Variants in RAD51B observed in about 807,000 individuals in gnomAD.
The protein encoded by RAD51B is RAD51 paralog B, also known as DNA repair protein RAD51 homolog 2.
RAD51B carries 38 observed loss-of-function variants against 42.2 expected under a neutral mutation model. That is an observed-to-expected ratio of 0.90 (90% CI 0.70 to 1.18). The LOEUF (loss-of-function observed/expected upper bound fraction) is 1.18, where lower values mean the gene tolerates loss of function less well. RAD51B is among the 50% of genes most tolerant of loss of function. The pLI, the probability that RAD51B is intolerant of heterozygous loss-of-function variation, is 0.00. For missense variants in RAD51B, 373 were observed against 400.7 expected, an observed-to-expected ratio of 0.93 and a Z score of 0.59; for synonymous variants, 154 against 145.2, an observed-to-expected ratio of 1.06 and a Z score of -0.43.
intron 8 of RAD51B, among the ~76,000 whole-genome samples, chr14:68,340,222 C>G (rs1036451731): frequency 6.6e-6 from 1 of 152,234 alleles, no homozygotes; most frequent in Non-Finnish European, 1.5e-5. Flanking sequence ...AAATACTTCA[C>G]CCTCAAATAT....
At chr14:67,945,344 C>G (rs1437955977) in intron 7 of RAD51B, among the ~76,000 whole-genome samples, 6 of 152,102 alleles carry the variant, frequency 3.9e-5, no homozygotes, top group Non-Finnish European at 7.4e-5. Flanking sequence ...GCCAAGTACC[C>G]CTTTCATCTT....
chr14:67,957,140 A>C (rs1022710418), intron 7 of RAD51B, among the ~76,000 whole-genome samples: 1 of 152,240 alleles, frequency 6.6e-6, no homozygotes, highest in African/African-American at 2.4e-5. Flanking sequence ...GGAGAGATAC[A>C]AGAGGATGTG....
intron 10 of RAD51B, among the ~76,000 whole-genome samples, chr14:68,531,623 G>A (rs1284916876): frequency 1.3e-5 from 2 of 152,080 alleles, no homozygotes; most frequent in African/African-American, 4.8e-5. Context: ...ATGTAAAATT[G>A]TGTTAAATTT....
chr14:68,098,592 C>T (rs2077235921), intron 7 of RAD51B, among the ~76,000 whole-genome samples: 1 of 152,134 alleles, frequency 6.6e-6, no homozygotes, highest in African/African-American at 2.4e-5. Flanking sequence ...GTGGAAACCC[C>T]TGATAAACCC....
At chr14:68,478,184 G>T, downstream of RAD51B, 1 of 1,013,850 alleles carries the variant, frequency 9.9e-7, no homozygotes, top group African/African-American at 1.7e-5. Context: ...CTGGGGGCGG[G>T]CATGGGCAAG....
At chr14:68,084,850 T>TAA (rs199797675) in intron 7 of RAD51B, among the ~76,000 whole-genome samples, 8 of 152,046 alleles carry the variant, frequency 5.3e-5, no homozygotes, top group African/African-American at 1.9e-4. Context: ...GGCAGTATGT[T>TAA]AAAAAAAATC....
At chr14:67,917,375 A>C (rs1482021934) in intron 7 of RAD51B, among the ~76,000 whole-genome samples, 1 of 152,174 alleles carries the variant, frequency 6.6e-6, no homozygotes, top group African/African-American at 2.4e-5. Context: ...ATCACATGAC[A>C]AAAGCAAGAG....
intron 7 of RAD51B, among the ~76,000 whole-genome samples, chr14:67,972,896 A>G (rs1383281362): frequency 6.6e-6 from 1 of 152,064 alleles, no homozygotes; most frequent in African/African-American, 2.4e-5. Flanking sequence ...GGCAACACTA[A>G]ATTTCTAAGC....
chr14:68,025,495 TTTTTGG>T (rs2075939874), intron 7 of RAD51B, among the ~76,000 whole-genome samples: 1 of 148,324 alleles, frequency 6.7e-6, no homozygotes, highest in African/African-American at 2.5e-5. Context: ...TTTTTTTTTT[TTTTTGG>T]TTGGTTGGTA....
intron 7 of RAD51B, among the ~76,000 whole-genome samples, chr14:68,248,142 G>A (rs754211187): frequency 3.3e-5 from 5 of 152,156 alleles, no homozygotes; most frequent in South Asian, 2.1e-4. Context: ...TTCATAATGC[G>A]TTAGTTGCAG....
At chr14:68,490,043 G>T (rs748364276) in intron 10 of RAD51B, among the ~76,000 whole-genome samples, 3 of 152,132 alleles carry the variant, frequency 2.0e-5, no homozygotes, top group Admixed American at 2.0e-4. Flanking sequence ...CGTAACTACC[G>T]CAGCCTCTAC....
At position 68,611,295 on chromosome 14, in the gene RAD51B, G is replaced by A. The variant is rs1183511710; in HGVS notation, c.*48G>A. The A allele has an allele frequency of 5.7e-6, 4 of 699,548 alleles. No individual in the cohort carries two copies. The Admixed American group carries it at 6.0e-5, about 11-fold the overall frequency. The allele number at this position is 699,548 out of a possible 1,614,324, so 43.3% of individuals were successfully genotyped here. A position where few individuals can be genotyped will look rare whatever the true frequency, so the allele number is the denominator to read the frequency against. On this transcript the variant is annotated 3_prime_UTR_variant, in exon 11 of 11. Transcript: ENST00000487861. ...ACTTCCAGATCTACATTTAACATCC[G>A]ACAGCAACTATAATTCTACTTTCTG...
chr14:68,241,214 C>T (rs1268313668), intron 7 of RAD51B, among the ~76,000 whole-genome samples: 2 of 152,156 alleles, frequency 1.3e-5, no homozygotes, highest in Non-Finnish European at 2.9e-5. Context: ...TCTCTTCTTT[C>T]TTCCTTTGTT....
intron 7 of RAD51B, among the ~76,000 whole-genome samples, chr14:68,217,905 CT>C (rs2079849019): frequency 6.6e-6 from 1 of 152,196 alleles, no homozygotes; most frequent in Non-Finnish European, 1.5e-5. Context: ...AGATTAGTCT[CT>C]AATAAGTAAG....
At chr14:68,519,237 T>C (rs900920407) in intron 10 of RAD51B, among the ~76,000 whole-genome samples, 11 of 152,224 alleles carry the variant, frequency 7.2e-5, no homozygotes, top group Admixed American at 3.3e-4. Flanking sequence ...ACCAATTACA[T>C]AGGAATTTCC....
intron 7 of RAD51B, among the ~76,000 whole-genome samples, chr14:67,973,333 T>G (rs558081389): frequency 2.6e-4 from 40 of 152,196 alleles, no homozygotes; most frequent in African/African-American, 8.9e-4. Context: ...AATGAGAAAT[T>G]GGCAGCAAGA....
intron 10 of RAD51B, among the ~76,000 whole-genome samples, chr14:68,636,476 G>A (rs766776416): frequency 9.9e-5 from 15 of 151,292 alleles, no homozygotes; most frequent in Non-Finnish European, 1.5e-4. Flanking sequence ...CCGGCTACTC[G>A]GAAGGCTGAG....
chr14:68,455,864 A>C (rs1457861298), intron 9 of RAD51B, among the ~76,000 whole-genome samples: 1 of 152,276 alleles, frequency 6.6e-6, no homozygotes, highest in East Asian at 1.9e-4. Flanking sequence ...AAAAAGCAAG[A>C]ATTATAAAAC....
intron 9 of RAD51B, among the ~76,000 whole-genome samples, chr14:68,413,625 A>G (rs2084474008): frequency 6.6e-6 from 1 of 152,208 alleles, no homozygotes; most frequent in South Asian, 2.1e-4. Flanking sequence ...ATAAAGTTTG[A>G]TATAGAAAAA....
Sources: allele counts gnomAD v4.1 joint callset (sites outside exome capture counted in the v4.1 genomes callset), GRCh38; gene constraint gnomAD v4.1.1; transcripts MANE v1.5; gene names NCBI Gene and HGNC (gene_info 2026-07-23, HGNC 2026-07-21).